Variants in RGS6 observed in about 807,000 individuals in gnomAD.
RGS6 encodes regulator of G-protein signaling 6.
A neutral mutation model predicts 78.5 loss-of-function variants in RGS6; 30 were observed. The observed-to-expected ratio is 0.38, with a 90% CI of 0.29 to 0.52. The LOEUF is 0.52. RGS6 is among the 20% of genes least tolerant of loss of function. The pLI is 0.85. For missense variants in RGS6, 495 were observed against 609.7 expected (o/e 0.81, Z 1.98); for synonymous variants, 206 against 206.0 (o/e 1.00, Z 0.00).
intron 17 of RGS6, among the ~76,000 whole-genome samples, chr14:72,548,345 G>A (rs967724100): frequency 6.7e-5 from 9 of 134,178 alleles, no homozygotes; most frequent in Non-Finnish European, 9.2e-5. Flanking sequence ...GTGTGTGTGC[G>A]CGCGTGTGTG....
rs184951848 is a variant in RGS6, at chr14:72,531,358, C to T, written c.1279-4828C>T. On this transcript the variant is annotated intron_variant, in intron 15 of 17. Transcript: ENST00000553525. ...TGAGGCACGAGAATCACTTGGAACC[C>T]GGGAGGCAGAAGTTGCAGTGAACTG... 3.7e-3 allele frequency among the ~76,000 whole-genome samples: 551 copies of T among 149,626 alleles called. 2 individuals are homozygous for T. The highest frequency in any genetic ancestry group is 0.013 in the African/African-American group (532 of 40,524).
Position 72,562,849 on chromosome 14 carries a change from T to TGTGACCGTCTC in RGS6, c.*382_*383insGTGACCGTCTC. On this transcript the variant is annotated 3_prime_UTR_variant, in exon 18 of 18. Coordinates refer to ENST00000553525, the MANE Select transcript of RGS6 (RefSeq NM_001204424.2). Reference sequence around the variant, plus strand: ...TCACTCCCTCGCTGTCTGGAGACGGTCACACCTTCTGGCAAATTCAAGAGG... The same window carrying TGTGACCGTCTC: ...TCACTCCCTCGCTGTCTGGAGACGGTGTGACCGTCTCCACACCTTCTGGCAAATTCAAGAGG... 2.5e-6 allele frequency: 3 copies of TGTGACCGTCTC among 1,203,442 alleles called. No individual in the cohort carries two copies. Among genetic ancestry groups the TGTGACCGTCTC allele is most frequent in the Non-Finnish European group, 3.6e-6 (3 of 843,978 alleles). 74.5% of individuals were successfully genotyped at this position (1,203,442 alleles called of 1,614,324 possible). A position where few individuals can be genotyped will look rare whatever the true frequency, so the allele number is the denominator to read the frequency against.
At chr14:72,080,087 TTC>T (rs1414407997) in intron 2 of RGS6, among the ~76,000 whole-genome samples, 1 of 152,150 alleles carries the variant, frequency 6.6e-6, no homozygotes, top group Non-Finnish European at 1.5e-5. Flanking sequence ...GTGGTTCTGT[TTC>T]TCATTTTTTG....
Position 71,975,456 on chromosome 14 carries a change from G to A in RGS6, c.84+10581G>A, listed in dbSNP as rs529944056. ...TGAGACTTCTTTTTATTTGGTTGGTGCTTGGGGATTCTTTTTTTTTTTGAT... is the reference window on the plus strand; with the variant it reads ...TGAGACTTCTTTTTATTTGGTTGGTACTTGGGGATTCTTTTTTTTTTTGAT... On this transcript the variant is annotated intron_variant, in intron 2 of 17. Coordinates refer to ENST00000553525, the MANE Select transcript of RGS6 (RefSeq NM_001204424.2). Among the ~76,000 whole-genome samples, 20 of 151,424 alleles carry A rather than the reference G, an allele frequency of 1.3e-4. No homozygotes were observed. In the South Asian group the frequency reaches 1.9e-3, roughly 14 times the overall value.
chr14:71,877,103 T>C, the RGS6 span, among the ~76,000 whole-genome samples: 2 of 152,230 alleles, frequency 1.3e-5, no homozygotes, highest in African/African-American at 4.8e-5. Context: ...TGGCTGCTCT[T>C]AATATTTTTT....
intron 2 of RGS6, among the ~76,000 whole-genome samples, chr14:72,169,624 G>A (rs970869034): frequency 2.0e-5 from 3 of 152,206 alleles, no homozygotes; most frequent in Non-Finnish European, 2.9e-5. Flanking sequence ...TTTTCTTATC[G>A]TGGCAGAGAG....
chr14:72,346,855 C>T (rs2078159216), intron 2 of RGS6, among the ~76,000 whole-genome samples: 1 of 152,210 alleles, frequency 6.6e-6, no homozygotes, highest in Non-Finnish European at 1.5e-5. Flanking sequence ...CTCGCACACT[C>T]TTGAGGCTAT....
chr14:72,027,931 T>C (rs2090186207), intron 2 of RGS6, among the ~76,000 whole-genome samples: 1 of 152,202 alleles, frequency 6.6e-6, no homozygotes, highest in African/African-American at 2.4e-5. Context: ...AGTGTTTTTG[T>C]TAATTTTTGA....
chr14:71,995,753 A>G (rs751849791), intron 2 of RGS6, among the ~76,000 whole-genome samples: 1 of 152,156 alleles, frequency 6.6e-6, no homozygotes, highest in African/African-American at 2.4e-5. Flanking sequence ...ATTATTTTTC[A>G]TGACGCACGG....
chr14:72,314,775 A>G (rs2069631229), intron 2 of RGS6, among the ~76,000 whole-genome samples: 1 of 152,254 alleles, frequency 6.6e-6, no homozygotes. Context: ...AATTTAAAAC[A>G]GGAAATATGT....
At chr14:72,465,712 T>C in intron 6 of RGS6, 46 bp from the exon 7 acceptor site, 1 of 1,400,436 alleles carries the variant, frequency 7.1e-7, no homozygotes, top group Non-Finnish European at 1.0e-6. Flanking sequence ...ATAATTCCAT[T>C]GTGCTGCTGG....
At chr14:71,975,294 G>A (rs1290775805) in intron 2 of RGS6, among the ~76,000 whole-genome samples, 2 of 152,154 alleles carry the variant, frequency 1.3e-5, no homozygotes, top group African/African-American at 2.4e-5. Context: ...TGGGCAGTTG[G>A]CTGTAAGTTT....
intron 3 of RGS6, among the ~76,000 whole-genome samples, chr14:72,428,733 C>T (rs1008479739): frequency 1.3e-5 from 2 of 152,162 alleles, no homozygotes; most frequent in African/African-American, 4.8e-5. Flanking sequence ...ATAGAAGGCC[C>T]GGTGGGTACA....
intron 2 of RGS6, among the ~76,000 whole-genome samples, chr14:72,126,685 A>G (rs2096201803): frequency 6.6e-6 from 1 of 152,228 alleles, no homozygotes; most frequent in African/African-American, 2.4e-5. Context: ...GCATGTGGCT[A>G]TCTTTACATC....
intron 2 of RGS6, among the ~76,000 whole-genome samples, chr14:71,998,513 G>A (rs2082802423): frequency 6.6e-6 from 1 of 152,218 alleles, no homozygotes; most frequent in African/African-American, 2.4e-5. Flanking sequence ...AGCCACCATG[G>A]CTGCAGCTCT....
chr14:72,429,422 G>A (rs1252836167), intron 3 of RGS6, among the ~76,000 whole-genome samples: 1 of 152,176 alleles, frequency 6.6e-6, no homozygotes, highest in African/African-American at 2.4e-5. Context: ...GTCTCCTGCT[G>A]AGACTGTTGT....
At chr14:72,491,623 C>T (rs372471769) in intron 12 of RGS6, among the ~76,000 whole-genome samples, 4 of 152,076 alleles carry the variant, frequency 2.6e-5, no homozygotes, top group African/African-American at 4.8e-5. Context: ...AATTGGTCAG[C>T]GAGTACAAGG....
intron 3 of RGS6, among the ~76,000 whole-genome samples, chr14:72,393,330 C>G (rs911390746): frequency 7.2e-5 from 11 of 152,210 alleles, no homozygotes; most frequent in African/African-American, 2.7e-4. Flanking sequence ...TTGACTGTAA[C>G]CTTGACTGAA....
chr14:72,312,225 G>GGT (rs2068800047), intron 2 of RGS6, among the ~76,000 whole-genome samples: 2 of 128,924 alleles, frequency 1.6e-5, no homozygotes, highest in South Asian at 5.1e-4. Context: ...CTGAGAAATT[G>GGT]TTTTTTTTTT....
Sources: allele counts gnomAD v4.1 joint callset (sites outside exome capture counted in the v4.1 genomes callset), GRCh38; gene constraint gnomAD v4.1.1; transcripts MANE v1.5; gene names NCBI Gene and HGNC (gene_info 2026-07-23, HGNC 2026-07-21).